The following MROH9 variants were observed in gnomAD, a reference collection of about 807,000 sequenced individuals.
MROH9 encodes maestro heat-like repeat-containing protein family member 9.
A neutral mutation model predicts 98.2 loss-of-function variants in MROH9; 92 were observed. The observed-to-expected ratio is 0.94, with a 90% CI of 0.79 to 1.11. MROH9 has a LOEUF of 1.11. Among genes scored for constraint, MROH9 ranks in the 50% most tolerant of loss-of-function variants. The pLI is 0.00. For synonymous variants in MROH9, 397 were observed against 368.9 expected (o/e 1.08, Z -0.87); for missense variants, 1,057 against 1,014.8 (o/e 1.04, Z -0.57).
intron 20 of MROH9, among the ~76,000 whole-genome samples, chr1:171,036,986 G>A (rs1653121244): frequency 6.6e-6 from 1 of 151,590 alleles, no homozygotes; most frequent in Non-Finnish European, 1.5e-5. Context: ...AGAAGGAGGG[G>A]GAGGAAAAAA....
chr1:170,987,587 A>G (rs763067657), intron 10 of MROH9, among the ~76,000 whole-genome samples: 3 of 152,190 alleles, frequency 2.0e-5, no homozygotes, highest in Non-Finnish European at 4.4e-5. Context: ...CGTGAGCACA[A>G]ATTTTACTAT....
At chr1:171,047,824 G>C (rs561145748) in intron 20 of MROH9, among the ~76,000 whole-genome samples, 1 of 152,240 alleles carries the variant, frequency 6.6e-6, no homozygotes, top group Non-Finnish European at 1.5e-5. Flanking sequence ...GCAGAGATTT[G>C]AAAGGACTTA....
At position 170,965,176 on chromosome 1, in the gene MROH9, A is replaced by G. The variant is rs748997038; in HGVS notation, c.401A>G (p.Asp134Gly). 36 of 1,610,888 alleles carry G rather than the reference A, an allele frequency of 2.2e-5. No individual in the cohort carries two copies. The South Asian group carries it at 3.4e-4, about 15-fold the overall frequency. Residue 134 changes from aspartate to glycine, a missense_variant, in exon 7 of 22, where the codon GAT (aspartate) becomes GGT (glycine). Coordinates refer to ENST00000367759, the MANE Select transcript of MROH9 (RefSeq NM_001163629.2). ...GAAATGCTCGTGTGGATGAGTAAAGATAGCTCATATCTGCAAGAGAGAATA... is the reference window on the plus strand; with the variant it reads ...GAAATGCTCGTGTGGATGAGTAAAGGTAGCTCATATCTGCAAGAGAGAATA... ...LKEMLVWMSK[D>G]SSYLQERIMV... is the part of the protein sequence containing the mutation.
Position 170,979,618 on chromosome 1 carries a change from C to A in MROH9, c.617-3804C>A, listed in dbSNP as rs191771969. On this transcript the variant is annotated intron_variant, in intron 8 of 21. Transcript: ENST00000367759. ...GGATTAGGCAAAGATTTCTTAGATA[C>A]AATAGTCAAAGTATAAATGAAAATA... is the stretch of plus-strand genomic sequence containing the variant. Among the ~76,000 whole-genome samples the A allele has an allele frequency of 3.2e-4, 48 of 152,140 alleles. 2 individuals carry two copies. The East Asian group carries it at 8.5e-3, about 27-fold the overall frequency.
At chr1:170,993,987 T>C (rs1394206049) in intron 12 of MROH9, among the ~76,000 whole-genome samples, 1 of 152,216 alleles carries the variant, frequency 6.6e-6, no homozygotes, top group East Asian at 1.9e-4. Context: ...ATGTAAAGAC[T>C]TTTAGAGGGT....
chr1:171,061,993 T>C, intron 20 of MROH9, 139 bp from the exon 21 acceptor site: 1 of 613,524 alleles, frequency 1.6e-6, no homozygotes, highest in South Asian at 2.0e-5. Flanking sequence ...AGACAATAAT[T>C]AAAAGTACTA....
At chr1:170,957,023 T>TTC (rs1649791133) in intron 3 of MROH9, among the ~76,000 whole-genome samples, 1 of 151,738 alleles carries the variant, frequency 6.6e-6, no homozygotes, top group Non-Finnish European at 1.5e-5. Flanking sequence ...CTGCTTTTTT[T>TTC]TTTTTTTGCC....
intron 20 of MROH9, among the ~76,000 whole-genome samples, chr1:171,060,286 G>T (rs1266915293): frequency 6.6e-6 from 1 of 152,134 alleles, no homozygotes; most frequent in Non-Finnish European, 1.5e-5. Flanking sequence ...AATTTTAAAA[G>T]AGTTCCATAC....
chr1:171,005,684 T>G (rs1441227225), intron 15 of MROH9, among the ~76,000 whole-genome samples: 3 of 151,970 alleles, frequency 2.0e-5, no homozygotes, highest in South Asian at 2.1e-4. Flanking sequence ...GTCATTATGG[T>G]TTTTTTTACA....
intron 3 of MROH9, among the ~76,000 whole-genome samples, chr1:170,951,870 T>C (rs1425142332): frequency 6.6e-6 from 1 of 152,160 alleles, no homozygotes; most frequent in Non-Finnish European, 1.5e-5. Flanking sequence ...GAGCACCTTT[T>C]GTGCAGAAGC....
chr1:170,966,293 T>G (rs1650233628), intron 7 of MROH9, among the ~76,000 whole-genome samples: 1 of 152,046 alleles, frequency 6.6e-6, no homozygotes, highest in Admixed American at 6.6e-5. Context: ...ATTTACTGAG[T>G]TTGTCTATAC....
At chr1:171,016,397 T>C in intron 17 of MROH9, 61 bp downstream of exon 17, 1 of 1,267,016 alleles carries the variant, frequency 7.9e-7, no homozygotes, top group Non-Finnish European at 1.0e-6. Flanking sequence ...GAAACTCAAG[T>C]TGAGGCAGTG....
intron 16 of MROH9, 49 bp from the exon 17 acceptor site, chr1:171,016,114 A>G: frequency 7.8e-7 from 1 of 1,287,592 alleles, no homozygotes; most frequent in Non-Finnish European, 1.0e-6. Context: ...TGTCAGCTCA[A>G]GTCTCCTGCT....
At chr1:171,016,888 A>C (rs1404761895) in intron 17 of MROH9, among the ~76,000 whole-genome samples, 1 of 152,206 alleles carries the variant, frequency 6.6e-6, no homozygotes, top group Non-Finnish European at 1.5e-5. Context: ...TGTTTCAGAA[A>C]AGTTTAATGA....
Position 171,014,179 on chromosome 1 carries a change from G to T in MROH9, c.1659G>T (p.Trp553Cys). 6.4e-7 allele frequency: 1 copy of T among 1,550,952 alleles called. No homozygotes were observed. Among genetic ancestry groups the T allele is most frequent in the Non-Finnish European group, 8.7e-7 (1 of 1,146,584 alleles). ...PEEFLVLFIN[W>C]INDSNPVVSR... ...AATTTTTGGTCCTCTTCATAAACTG[G>T]ATCAATGATTCCAATCCTGTAGTTA... The change falls in exon 16 of 22, where the codon TGG becomes TGT. Residue 553 changes from tryptophan to cysteine, a missense_variant. Coordinates refer to ENST00000367759, the MANE Select transcript of MROH9 (RefSeq NM_001163629.2).
intron 20 of MROH9, among the ~76,000 whole-genome samples, chr1:171,034,093 T>G (rs1322927068): frequency 6.6e-6 from 1 of 152,108 alleles, no homozygotes; most frequent in Non-Finnish European, 1.5e-5. Flanking sequence ...CTTCTTTACT[T>G]CAATATTCCA....
chr1:171,041,687 A>G (rs1352284675), intron 20 of MROH9, among the ~76,000 whole-genome samples: 2 of 151,986 alleles, frequency 1.3e-5, no homozygotes, highest in Non-Finnish European at 2.9e-5. Context: ...CATTCCCACC[A>G]ACAATGTATA....
intron 20 of MROH9, among the ~76,000 whole-genome samples, chr1:171,050,666 C>G (rs2101867924): frequency 6.6e-6 from 1 of 152,218 alleles, no homozygotes. Context: ...ATTTATTTCT[C>G]TTGTCTGATT....
At chr1:171,044,021 A>G (rs1653387721) in intron 20 of MROH9, among the ~76,000 whole-genome samples, 1 of 152,170 alleles carries the variant, frequency 6.6e-6, no homozygotes, top group African/African-American at 2.4e-5. Context: ...AACAGCGATG[A>G]CAGTGGACAT....
Sources: allele counts gnomAD v4.1 joint callset (sites outside exome capture counted in the v4.1 genomes callset), GRCh38; gene constraint gnomAD v4.1.1; transcripts MANE v1.5; gene names NCBI Gene and HGNC (gene_info 2026-07-23, HGNC 2026-07-21).